The following CTIF variants were observed in gnomAD, a reference collection of about 807,000 sequenced individuals.
The protein encoded by CTIF is cap binding complex dependent translation initiation factor.
In CTIF, 21 loss-of-function variants were observed where a neutral mutation model predicts 66.0. The ratio of observed to expected loss-of-function variants is 0.32; its 90% confidence interval spans 0.23 to 0.46. The LOEUF is 0.46. CTIF is among the 20% of genes least tolerant of loss of function. CTIF has a pLI of 1.00. For missense variants in CTIF, 739 were observed against 812.7 expected (o/e 0.91, Z 1.10); for synonymous variants, 345 against 326.4 (o/e 1.06, Z -0.62).
chr18:48,687,661 C>T (rs776648774), intron 6 of CTIF, among the ~76,000 whole-genome samples: 18 of 152,324 alleles, frequency 1.2e-4, no homozygotes, highest in South Asian at 6.2e-4. Context: ...AGCACTGGTA[C>T]GCTGTTGGAG....
intron 10 of CTIF, among the ~76,000 whole-genome samples, chr18:48,843,447 G>A (rs957942791): frequency 6.6e-6 from 1 of 152,098 alleles, no homozygotes; most frequent in Non-Finnish European, 1.5e-5. Flanking sequence ...GATCTCCTGT[G>A]ATGATAACCA....
rs565027729 is a variant in CTIF, at chr18:48,707,822, C to T, written c.508-3797C>T. On this transcript the variant is annotated intron_variant, in intron 6 of 11. Transcript: ENST00000256413. The stretch of plus-strand genomic sequence containing the variant: ...CGATCACTACTGTCTAATTCTGGAA[C>T]GTTGTTATCACCACAGAAGGAACGC... Among the ~76,000 whole-genome samples, 3 of 152,316 alleles carry T rather than the reference C, an allele frequency of 2.0e-5. No individual in the cohort carries two copies. In the South Asian group the frequency reaches 6.2e-4, roughly 32 times the overall value.
Position 48,670,708 on chromosome 18 carries a change from C to T in CTIF, c.471C>T (p.Asn157=), listed in dbSNP as rs2091519082. The T allele has an allele frequency of 6.2e-7, 1 of 1,614,178 alleles. No homozygotes were observed. The highest frequency in any genetic ancestry group is 8.5e-7 in the Non-Finnish European group (1 of 1,180,004). The change falls in exon 6 of 12, where the codon AAC becomes AAT. Residue 157 remains asparagine, a synonymous_variant. Transcript: ENST00000256413. The part of the protein sequence containing the change: ...KGKLEDGDGI[N]LNDIEKVLPA... ...AGCTGGAAGATGGGGATGGCATCAACCTGAATGACATCGAGAAGGTCCTTC... is the reference window on the plus strand; with the variant it reads ...AGCTGGAAGATGGGGATGGCATCAATCTGAATGACATCGAGAAGGTCCTTC...
chr18:48,648,580 C>T (rs2091097849), intron 3 of CTIF, among the ~76,000 whole-genome samples: 1 of 152,080 alleles, frequency 6.6e-6, no homozygotes, highest in African/African-American at 2.4e-5. Flanking sequence ...CTGTGCTTTC[C>T]CCCTCAGTTG....
chr18:48,629,167 G>T (rs543389092), intron 2 of CTIF, among the ~76,000 whole-genome samples: 1 of 150,880 alleles, frequency 6.6e-6, no homozygotes, highest in East Asian at 1.9e-4. Context: ...TACACACAGA[G>T]GTCACATTCC....
intron 2 of CTIF, among the ~76,000 whole-genome samples, chr18:48,632,279 G>C (rs535338444): frequency 6.6e-6 from 1 of 152,320 alleles, no homozygotes; most frequent in South Asian, 2.1e-4. Context: ...AGAGCTTGCT[G>C]TGCTAAGTGT....
At chr18:48,787,817 A>G (rs777893117) in intron 9 of CTIF, among the ~76,000 whole-genome samples, 20 of 152,086 alleles carry the variant, frequency 1.3e-4, no homozygotes, top group Non-Finnish European at 2.4e-4. Flanking sequence ...CTCCTGCCCA[A>G]TTCTTCTGCT....
chr18:48,806,255 C>A (rs980984532), intron 9 of CTIF, among the ~76,000 whole-genome samples: 2 of 152,190 alleles, frequency 1.3e-5, no homozygotes, highest in Non-Finnish European at 2.9e-5. Flanking sequence ...GTTTTTTAAG[C>A]CATGCAACCA....
chr18:48,680,378 T>C lies in CTIF; in HGVS notation c.507+9634T>C, dbSNP rs1472195733. ...GACAGTAGGCTCAAAGAAGGCCAGATTGAGGACAGCCTTCCTCAAGGTCTC... is the reference window on the plus strand; with the variant it reads ...GACAGTAGGCTCAAAGAAGGCCAGACTGAGGACAGCCTTCCTCAAGGTCTC... On this transcript the variant is annotated intron_variant, in intron 6 of 11. Coordinates refer to ENST00000256413, the MANE Select transcript of CTIF (RefSeq NM_014772.3). Among the ~76,000 whole-genome samples, 4 of 152,236 alleles carry C rather than the reference T, an allele frequency of 2.6e-5. No individual in the cohort carries two copies. In the South Asian group the frequency reaches 6.2e-4, roughly 24 times the overall value.
intron 10 of CTIF, among the ~76,000 whole-genome samples, chr18:48,820,753 C>G (rs2068466477): frequency 6.6e-6 from 1 of 152,154 alleles, no homozygotes; most frequent in African/African-American, 2.4e-5. Context: ...CCCTGCAGTG[C>G]TTTCCTTGCT....
intron 7 of CTIF, among the ~76,000 whole-genome samples, chr18:48,735,266 A>T (rs2092490801): frequency 6.6e-6 from 1 of 152,188 alleles, no homozygotes; most frequent in South Asian, 2.1e-4. Flanking sequence ...AGCATTCCTG[A>T]TAAGTGACTG....
chr18:48,613,654 G>A (rs1278842435), intron 1 of CTIF, among the ~76,000 whole-genome samples: 1 of 152,230 alleles, frequency 6.6e-6, no homozygotes, highest in Non-Finnish European at 1.5e-5. Context: ...TCCCTGGGCT[G>A]GCGGCCGAGT....
intron 9 of CTIF, among the ~76,000 whole-genome samples, chr18:48,813,623 AT>A (rs1231950101): frequency 2.6e-5 from 4 of 152,232 alleles, no homozygotes; most frequent in Non-Finnish European, 4.4e-5. Flanking sequence ...AATTTCCAAT[AT>A]TTAGCAGGCA....
chr18:48,658,664 GTGTC>G (rs745857966), intron 3 of CTIF, among the ~76,000 whole-genome samples: 84 of 152,246 alleles, frequency 5.5e-4, no homozygotes, highest in Non-Finnish European at 1.0e-3. Flanking sequence ...GTGTGTGGAT[GTGTC>G]TGTCTAGTAT....
intron 10 of CTIF, among the ~76,000 whole-genome samples, chr18:48,847,685 T>C (rs908492732): frequency 2.0e-5 from 3 of 152,340 alleles, no homozygotes; most frequent in Admixed American, 2.0e-4. Context: ...ATCAAAGCTC[T>C]TTCACATACG....
At chr18:48,638,253 GA>G (rs1471668284) in intron 3 of CTIF, among the ~76,000 whole-genome samples, 1 of 152,180 alleles carries the variant, frequency 6.6e-6, no homozygotes, top group Non-Finnish European at 1.5e-5. Context: ...AAGCACCAGA[GA>G]GAGGCTTTCA....
chr18:48,706,773 G>A (rs1470687213), intron 6 of CTIF, among the ~76,000 whole-genome samples: 1 of 152,224 alleles, frequency 6.6e-6, no homozygotes, highest in Non-Finnish European at 1.5e-5. Context: ...CAGGACAGGA[G>A]TGTATGTGCA....
At chr18:48,569,358 G>A (rs1200727363) in intron 1 of CTIF, among the ~76,000 whole-genome samples, 1 of 151,880 alleles carries the variant, frequency 6.6e-6, no homozygotes, top group African/African-American at 2.4e-5. Flanking sequence ...TCTGGGGGAG[G>A]TGGGGCCCCA....
At chr18:48,719,544 A>G (rs1477026273) in intron 7 of CTIF, among the ~76,000 whole-genome samples, 1 of 152,208 alleles carries the variant, frequency 6.6e-6, no homozygotes, top group Non-Finnish European at 1.5e-5. Context: ...ACATTCGCCT[A>G]CTTGTAAAAC....
Sources: gnomAD v4.1 joint callset for allele counts (sites outside exome capture counted in the v4.1 genomes callset) on GRCh38, gnomAD v4.1.1 for gene constraint, MANE v1.5 for transcripts, NCBI Gene and HGNC (gene_info 2026-07-23, HGNC 2026-07-21) for gene names.